ZNF592: variants seen among roughly 807,000 people sequenced by gnomAD.
ZNF592 encodes the protein spinocerebellar ataxia, autosomal recessive 5.
A neutral mutation model predicts 80.3 loss-of-function variants in ZNF592; 11 were observed. That is an observed-to-expected ratio of 0.14 (90% confidence interval 0.09 to 0.23). The LOEUF (loss-of-function observed/expected upper bound fraction) is 0.23, where lower values mean the gene tolerates loss of function less well. Among genes scored for constraint, ZNF592 ranks in the 10% least tolerant of loss-of-function variants. The probability of loss-of-function intolerance (pLI) is 1.00; values close to 1 mark genes in which losing one functional copy is unlikely to be tolerated. For synonymous variants in ZNF592, 646 were observed against 640.3 expected, an observed-to-expected ratio of 1.01 and a Z score of -0.13; for missense variants, 1,420 against 1,633.9, an observed-to-expected ratio of 0.87 and a Z score of 2.26.
intron 3 of ZNF592, among the ~76,000 whole-genome samples, chr15:84,778,846 C>G (rs1057203815): frequency 6.6e-6 from 1 of 152,110 alleles, no homozygotes; most frequent in African/African-American, 2.4e-5. Context: ...ATGTGTGGTT[C>G]AGTTTATAGC....
Position 84,798,887 on chromosome 15 carries a change from C to T in ZNF592, c.3024+12C>T, listed in dbSNP as rs565209396. The T allele has an allele frequency of 2.5e-6, 4 of 1,598,094 alleles. No individual in the cohort carries two copies. Among genetic ancestry groups the T allele is most frequent in the Non-Finnish European group, 3.4e-6 (4 of 1,179,544 alleles). ...AGAGCCACGGTCGGGTAAGTGCAGC[C>T]ACACAGTCATAATGCAGAGCCCAGT... On this transcript the variant is annotated intron_variant, in intron 8 of 10. Coordinates refer to ENST00000560079, the MANE Select transcript of ZNF592 (RefSeq NM_014630.3). The surrounding 1 kb of genome is among the most constrained non-coding windows in gnomAD (Gnocchi z 4.5).
intron 1 of ZNF592, among the ~76,000 whole-genome samples, chr15:84,756,353 C>T (rs140227849): frequency 2.2e-3 from 342 of 152,336 alleles, no homozygotes; most frequent in Non-Finnish European, 3.1e-3. Flanking sequence ...TAGTTTACAA[C>T]ATTCTACTTT....
chr15:84,780,395 A>C lies in ZNF592; in HGVS notation c.-20+2083A>C, dbSNP rs896307911. Among the ~76,000 whole-genome samples, 8 of 152,338 alleles carry C rather than the reference A, an allele frequency of 5.3e-5. 1 individual carries two copies. The highest frequency in any genetic ancestry group is 6.5e-5 in the Admixed American group (1 of 15,296). ...TATAGTTATGATCACCCTGCCTAGT[A>C]GGTCACTTGGTATTGAGTGCCCACT... On this transcript the variant is annotated intron_variant, in intron 3 of 10. Coordinates refer to ENST00000560079, the MANE Select transcript of ZNF592 (RefSeq NM_014630.3).
rs770412639 is a variant in ZNF592, at chr15:84,784,506, G to A, written c.1831G>A (p.Val611Ile). Residue 611 changes from valine to isoleucine, a missense_variant, in exon 4 of 11, where the codon GTC (valine) becomes ATC (isoleucine). Physicochemically the swap from Val to Ile is conservative, Grantham distance 29. Around this residue, in one of 7 missense-constraint regions of ZNF592, gnomAD observed 524 missense variants for 628.3 expected, o/e 0.83. Coordinates refer to ENST00000560079, the MANE Select transcript of ZNF592 (RefSeq NM_014630.3). This position sits in a 1 kb window ranked among gnomAD's most constrained non-coding sequence, Gnocchi z 5.8. ...GAGCCAGCACTATGGCCGGCGGAGC[G>A]TCCACATTGAGGTACTGTGCACACT... ...SLSQHYGRRS[V>I]HIEVLCTLCS... The A allele has an allele frequency of 4.4e-5, 71 of 1,614,024 alleles. No homozygotes were observed. The highest frequency in any genetic ancestry group is 5.3e-5 in the Non-Finnish European group (63 of 1,180,038).
intron 2 of ZNF592, among the ~76,000 whole-genome samples, chr15:84,767,554 G>C (rs1001924910): frequency 1.3e-5 from 2 of 152,126 alleles, no homozygotes; most frequent in African/African-American, 4.8e-5. Flanking sequence ...TGTGGTGCTA[G>C]GTTATTGCTG....
intron 1 of ZNF592, among the ~76,000 whole-genome samples, chr15:84,749,595 G>A (rs554595780): frequency 2.0e-4 from 30 of 152,338 alleles, no homozygotes; most frequent in African/African-American, 6.7e-4. Flanking sequence ...AGAAGAATGG[G>A]ACTTGGGGAG....
intron 10 of ZNF592, 49 bp from the exon 11 acceptor site, chr15:84,801,814 C>G: frequency 6.2e-7 from 1 of 1,613,828 alleles, no homozygotes. Flanking sequence ...TCTAGGGGCT[C>G]ATGTCCAGGG....
chr15:84,790,602 A>C, intron 4 of ZNF592, 103 bp from the exon 5 acceptor site: 1 of 1,155,260 alleles, frequency 8.7e-7, no homozygotes, highest in Non-Finnish European at 1.3e-6. Flanking sequence ...GGTTGGGGGA[A>C]GGGGTTATTC....
rs530516169 is a variant in ZNF592 at position 84,799,415 on chromosome 15, C to T, written c.3137+205C>T. Among the ~76,000 whole-genome samples the T allele has an allele frequency of 9.6e-4, 146 of 152,184 alleles. No individual in the cohort carries two copies. Among genetic ancestry groups the T allele is most frequent in the Non-Finnish European group, 1.7e-3 (118 of 68,026 alleles). On this transcript the variant is annotated intron_variant, in intron 9 of 10. Coordinates refer to ENST00000560079, the MANE Select transcript of ZNF592 (RefSeq NM_014630.3). This position sits in a 1 kb window ranked among gnomAD's most constrained non-coding sequence, Gnocchi z 4.2. ...ACCTGGTAGCTCCTGAGCCCTCTCTCGTCACTCTCTAGCCCAGGACTGCAC... is the reference window on the plus strand; with the variant it reads ...ACCTGGTAGCTCCTGAGCCCTCTCTTGTCACTCTCTAGCCCAGGACTGCAC...
At chr15:84,748,795 C>G (rs1273704334) in intron 1 of ZNF592, 131 bp downstream of exon 1, 2 of 147,272 alleles carry the variant, frequency 1.4e-5, no homozygotes, top group Admixed American at 6.8e-5. Context: ...CCTGGCGGAC[C>G]CTGGCCGCCG....
Position 84,783,290 on chromosome 15 carries a change from C to G in ZNF592, c.615C>G (p.Pro205=). ...HMFDHFCKKE[P]KPEPLPLGSQ... ...TTGATCATTTTTGTAAGAAAGAACC[C>G]AAGCCAGAACCCCTGCCCTTGGGGA... The change falls in exon 4 of 11, where the codon CCC becomes CCG. Residue 205 remains proline, a synonymous_variant. Transcript: ENST00000560079. The surrounding 1 kb of genome is among the most constrained non-coding windows in gnomAD (Gnocchi z 5.0). 1 of 1,614,200 alleles carries G rather than the reference C, an allele frequency of 6.2e-7. No individual in the cohort carries two copies. Among genetic ancestry groups the G allele is most frequent in the South Asian group, 1.1e-5 (1 of 91,084 alleles).
At chr15:84,761,932 A>G (rs943078937) in intron 1 of ZNF592, among the ~76,000 whole-genome samples, 6 of 152,220 alleles carry the variant, frequency 3.9e-5, no homozygotes, top group Non-Finnish European at 7.3e-5. Context: ...TTATTTCTGA[A>G]AGTATTTCTG....
At chr15:84,781,139 C>T (rs1962411291) in intron 3 of ZNF592, among the ~76,000 whole-genome samples, 2 of 152,264 alleles carry the variant, frequency 1.3e-5, no homozygotes, top group Admixed American at 6.5e-5. Context: ...ACCTCCACCT[C>T]CTGGGATCAA....
At chr15:84,768,744 A>G (rs865998508) in intron 2 of ZNF592, among the ~76,000 whole-genome samples, 5 of 152,146 alleles carry the variant, frequency 3.3e-5, no homozygotes, top group Non-Finnish European at 7.4e-5. Flanking sequence ...ATTCATAGAC[A>G]AGGGTACTTT....
Position 84,783,422 on chromosome 15 carries a change from C to T in ZNF592, c.747C>T (p.Ser249=). 1 of 1,614,194 alleles carries T rather than the reference C, an allele frequency of 6.2e-7. No individual in the cohort carries two copies. Among genetic ancestry groups the T allele is most frequent in the Non-Finnish European group, 8.5e-7 (1 of 1,180,044 alleles). ...GEALEFNSHP[S]NSIGESKGLA... ...CTTTGGAGTTCAACAGCCATCCTAG[C>T]AACAGTATTGGAGAGTCCAAGGGGC... is the stretch of plus-strand genomic sequence containing the variant. The change falls in exon 4 of 11, where the codon AGC becomes AGT. Residue 249 remains serine (S), a synonymous_variant. Transcript: ENST00000560079. The surrounding 1 kb of genome is among the most constrained non-coding windows in gnomAD (Gnocchi z 5.0).
intron 10 of ZNF592, among the ~76,000 whole-genome samples, chr15:84,800,544 G>C (rs1440473677): frequency 6.6e-6 from 1 of 152,182 alleles, no homozygotes; most frequent in African/African-American, 2.4e-5. Context: ...CTGTTCCACA[G>C]AAGGGTCAGG....
At chr15:84,763,806 G>T (rs185731488) in intron 1 of ZNF592, among the ~76,000 whole-genome samples, 5 of 152,198 alleles carry the variant, frequency 3.3e-5, no homozygotes, top group Admixed American at 3.3e-4. Flanking sequence ...TTCAGGGAAT[G>T]AGTCCTTTTA....
At chr15:84,750,580 G>A (rs762786000) in intron 1 of ZNF592, among the ~76,000 whole-genome samples, 15 of 152,186 alleles carry the variant, frequency 9.9e-5, no homozygotes, top group African/African-American at 2.7e-4. Context: ...GCCTGGGAAG[G>A]CTTCCTAAGA....
At chr15:84,792,023 G>A (rs1034084537) in intron 5 of ZNF592, among the ~76,000 whole-genome samples, 10 of 152,030 alleles carry the variant, frequency 6.6e-5, no homozygotes, top group African/African-American at 2.4e-4. Context: ...GGAGTGATTT[G>A]GCTAGTATAT....
Sources: allele counts gnomAD v4.1 joint callset (sites outside exome capture counted in the v4.1 genomes callset), GRCh38; gene constraint gnomAD v4.1.1; regional missense constraint gnomAD v4.1.1; non-coding constraint Gnocchi (gnomAD v3.1); transcripts MANE v1.5; gene names NCBI Gene and HGNC (gene_info 2026-07-23, HGNC 2026-07-21).